SRGAP2: variants seen among roughly 807,000 people sequenced by gnomAD.
The protein encoded by SRGAP2 is SLIT-ROBO Rho GTPase activating protein 2.
Under a neutral mutation model 57.2 loss-of-function variants are expected in SRGAP2, and 15 were observed. The ratio of observed to expected loss-of-function variants is 0.26; its 90% CI spans 0.18 to 0.40. The LOEUF (loss-of-function observed/expected upper bound fraction) is 0.40, where lower values mean the gene tolerates loss of function less well. Among genes scored for constraint, SRGAP2 ranks in the 10% least tolerant of loss-of-function variants. The pLI, the probability that SRGAP2 is intolerant of heterozygous loss-of-function variation, is 1.00. For synonymous variants in SRGAP2, 249 were observed against 248.0 expected, an observed-to-expected ratio of 1.00 and a Z score of -0.04; for missense variants, 520 against 669.6, an observed-to-expected ratio of 0.78 and a Z score of 2.47.
intron 11 of SRGAP2, among the ~76,000 whole-genome samples, chr1:206,417,103 C>CTT (rs546280000): frequency 0.01 from 1,343 of 133,740 alleles, 14 homozygotes; most frequent in Non-Finnish European, 0.015. Context: ...CTAATGACTT[C>CTT]TTTTTTTTTT....
At chr1:206,436,909 C>T (rs1553370224) in intron 14 of SRGAP2, 56 bp from the exon 15 acceptor site, 1 of 779,440 alleles carries the variant, frequency 1.3e-6, no homozygotes, top group Admixed American at 1.7e-5. Flanking sequence ...AAGCTTGGCA[C>T]TATGCTTGTG....
At chr1:206,421,910 A>G (rs1553364543) in intron 13 of SRGAP2, among the ~76,000 whole-genome samples, 1 of 152,240 alleles carries the variant, frequency 6.6e-6, no homozygotes, top group African/African-American at 2.4e-5. Flanking sequence ...TCAATGGATA[A>G]TCTAAACAGC....
chr1:206,236,862 A>G (rs1170413462), intron 2 of SRGAP2, among the ~76,000 whole-genome samples: 1 of 108,382 alleles, frequency 9.2e-6, no homozygotes, highest in Non-Finnish European at 1.8e-5. Context: ...TTAAAAACGA[A>G]GACAAAACTG....
At chr1:206,389,705 C>G (rs531373440) in intron 5 of SRGAP2, among the ~76,000 whole-genome samples, 1 of 151,686 alleles carries the variant, frequency 6.6e-6, no homozygotes, top group Admixed American at 6.6e-5. Context: ...CATTTTAGAA[C>G]CTTTTTTTTC....
chr1:206,352,948 A>G (rs1676144915), intron 4 of SRGAP2, among the ~76,000 whole-genome samples: 1 of 152,126 alleles, frequency 6.6e-6, no homozygotes, highest in Non-Finnish European at 1.5e-5. Flanking sequence ...TGGCCTCCCA[A>G]AGTGGTGGGA....
intron 4 of SRGAP2, among the ~76,000 whole-genome samples, chr1:206,366,663 C>T (rs1654043226): frequency 6.6e-6 from 1 of 151,954 alleles, no homozygotes; most frequent in African/African-American, 2.4e-5. Flanking sequence ...GATTTCCTTT[C>T]CCCTGGGTGT....
intron 4 of SRGAP2, among the ~76,000 whole-genome samples, chr1:206,354,587 C>T (rs1245116131): frequency 1.3e-5 from 2 of 152,122 alleles, no homozygotes; most frequent in Non-Finnish European, 1.5e-5. Context: ...TTGTTGATGG[C>T]ATTTGGATAG....
At chr1:206,433,067 C>T (rs1661412151) in intron 14 of SRGAP2, among the ~76,000 whole-genome samples, 1 of 152,190 alleles carries the variant, frequency 6.6e-6, no homozygotes, top group African/African-American at 2.4e-5. Context: ...CAAACTATTG[C>T]AAGTCAGGGA....
At chr1:206,220,252 A>G (rs1470616233) in intron 2 of SRGAP2, among the ~76,000 whole-genome samples, 2 of 150,518 alleles carry the variant, frequency 1.3e-5, no homozygotes, top group South Asian at 2.1e-4. Flanking sequence ...AAGCAAGGCT[A>G]TTTGGCCTGT....
intron 3 of SRGAP2, among the ~76,000 whole-genome samples, chr1:206,309,741 G>A (rs1297995146): frequency 2.0e-5 from 3 of 151,820 alleles, no homozygotes; most frequent in African/African-American, 7.3e-5. Context: ...AGGTGGAGAC[G>A]GCATACTGCT....
At chr1:206,244,428 T>A (rs1553309790) in intron 2 of SRGAP2, among the ~76,000 whole-genome samples, 1 of 103,596 alleles carries the variant, frequency 9.7e-6, no homozygotes, top group Non-Finnish European at 1.9e-5. Context: ...CACGCCCAGC[T>A]AATTTTTGTA....
In SRGAP2 at chr1:206,458,919, G is replaced by C. The variant is rs568447589; in HGVS notation, c.2804G>C (p.Arg935Pro). ...AGGTCAAAAAGCTTCAATAACCATC[G>C]GCCCATGGACCCTGAGGTCATTGCT... is the stretch of plus-strand genomic sequence containing the variant. ...AGRSKSFNNH[R>P]PMDPEVIAQD... The change falls in exon 22 of 23, where the codon CGG becomes CCG. Residue 935 changes from arginine (R) to proline (P), a missense_variant. This residue lies in a region of SRGAP2 where 478 missense variants were observed against 373.6 expected (regional missense o/e 1.28). Coordinates refer to ENST00000573034, the MANE Select transcript of SRGAP2 (RefSeq NM_015326.5). 11 of 777,578 alleles carry C rather than the reference G, an allele frequency of 1.4e-5. No homozygotes were observed. The highest frequency in any genetic ancestry group is 2.6e-5 in the Non-Finnish European group (11 of 416,482). The allele number at this position is 777,578 out of a possible 1,614,324, so 48.2% of individuals were successfully genotyped here. A position where few individuals can be genotyped will look rare whatever the true frequency, so the allele number is the denominator to read the frequency against.
intron 16 of SRGAP2, among the ~76,000 whole-genome samples, chr1:206,438,634 A>G (rs980335926): frequency 3.3e-5 from 5 of 152,312 alleles, no homozygotes; most frequent in Admixed American, 2.0e-4. Context: ...CTCTTACTCT[A>G]AAATTTGGGT....
At chr1:206,456,797 T>C (rs1367410501) in intron 21 of SRGAP2, among the ~76,000 whole-genome samples, 1 of 152,116 alleles carries the variant, frequency 6.6e-6, no homozygotes, top group Non-Finnish European at 1.5e-5. Context: ...TCTTACCTCC[T>C]GCCCCCCACG....
At chr1:206,428,356 G>T (rs1368448841) in intron 13 of SRGAP2, among the ~76,000 whole-genome samples, 1 of 147,154 alleles carries the variant, frequency 6.8e-6, no homozygotes, top group African/African-American at 2.5e-5. Flanking sequence ...GGCAGAGCTT[G>T]CAGTGACCTG....
chr1:206,259,537 A>G (rs550641836), intron 2 of SRGAP2, among the ~76,000 whole-genome samples: 4,106 of 150,220 alleles, frequency 0.027, 172 homozygotes, highest in African/African-American at 0.095. Flanking sequence ...GGGTCTCCCT[A>G]TGTTCCCCAG....
intron 5 of SRGAP2, among the ~76,000 whole-genome samples, chr1:206,386,121 G>A (rs1656220242): frequency 1.3e-5 from 2 of 152,200 alleles, no homozygotes; most frequent in African/African-American, 4.8e-5. Context: ...ACAACTGGAG[G>A]AGTAGAAGGT....
intron 5 of SRGAP2, among the ~76,000 whole-genome samples, chr1:206,390,694 T>C (rs1488747240): frequency 6.6e-6 from 1 of 151,976 alleles, no homozygotes; most frequent in Non-Finnish European, 1.5e-5. Flanking sequence ...CAGATGCCTC[T>C]TTTCCACTTC....
chr1:206,209,732 T>TC, intron 2 of SRGAP2, among the ~76,000 whole-genome samples: 1 of 151,378 alleles, frequency 6.6e-6, no homozygotes, highest in East Asian at 1.9e-4. Context: ...TACCCCCACT[T>TC]CCCCCAGGAT....
Sources: allele counts gnomAD v4.1 joint callset (sites outside exome capture counted in the v4.1 genomes callset), GRCh38; gene constraint gnomAD v4.1.1; regional missense constraint gnomAD v4.1.1; transcripts MANE v1.5; gene names NCBI Gene and HGNC (gene_info 2026-07-23, HGNC 2026-07-21).